The following EPSTI1 variants were observed in gnomAD, a reference collection of about 807,000 sequenced individuals.
The protein encoded by EPSTI1 is epithelial stromal interaction 1.
Under a neutral mutation model 49.9 loss-of-function variants are expected in EPSTI1, and 66 were observed. That is an observed-to-expected ratio of 1.32 (90% CI 1.08 to 1.62). The LOEUF (loss-of-function observed/expected upper bound fraction) is 1.62, where lower values mean the gene tolerates loss of function less well. Among genes scored for constraint, EPSTI1 ranks in the 40% most tolerant of loss-of-function variants. EPSTI1 has a pLI of 0.00. For missense variants in EPSTI1, 394 were observed against 365.5 expected (o/e 1.08, Z -0.64); for synonymous variants, 137 against 130.7 (o/e 1.05, Z -0.33).
intron 1 of EPSTI1, among the ~76,000 whole-genome samples, chr13:42,976,348 A>G (rs2039881899): frequency 6.6e-6 from 1 of 152,188 alleles, no homozygotes; most frequent in Non-Finnish European, 1.5e-5. Context: ...AACAAACCTT[A>G]TCTCTCAAGG....
intron 7 of EPSTI1, among the ~76,000 whole-genome samples, chr13:42,921,975 T>C (rs184638123): frequency 1.6e-3 from 241 of 152,190 alleles, no homozygotes; most frequent in African/African-American, 5.6e-3. Flanking sequence ...CAGAAGACAG[T>C]CAAATGTTCA....
At chr13:42,968,272 C>T (rs2039671516) in intron 3 of EPSTI1, among the ~76,000 whole-genome samples, 1 of 151,982 alleles carries the variant, frequency 6.6e-6, no homozygotes, top group South Asian at 2.1e-4. Context: ...ATTACTATTA[C>T]TTCCTCCCAT....
chr13:42,966,740 G>GTGGGGGTGTC (rs1566167001), intron 3 of EPSTI1, among the ~76,000 whole-genome samples: 1 of 90,144 alleles, frequency 1.1e-5, no homozygotes. Flanking sequence ...GGGAGGTGAG[G>GTGGGGGTGTC]GGCGCCTCCG....
At chr13:42,892,802 A>G (rs1566092991) in intron 10 of EPSTI1, among the ~76,000 whole-genome samples, 1 of 152,226 alleles carries the variant, frequency 6.6e-6, no homozygotes, top group Admixed American at 6.5e-5. Context: ...AAGTGGTCCA[A>G]GGTAGATCCC....
chr13:42,962,495 C>A (rs1358177881), intron 5 of EPSTI1, among the ~76,000 whole-genome samples: 3 of 152,014 alleles, frequency 2.0e-5, no homozygotes, highest in Non-Finnish European at 2.9e-5. Flanking sequence ...TTAGGCCAGG[C>A]ATGGTGGCTC....
At chr13:42,977,509 C>T (rs9567084) in intron 1 of EPSTI1, among the ~76,000 whole-genome samples, 42,980 of 152,108 alleles carry the variant, frequency 0.28, 6,541 homozygotes, top group Middle Eastern at 0.46. Flanking sequence ...ATAGAAAAAG[C>T]TGTTTTGTTA....
Position 42,888,381 on chromosome 13 carries a change from C to A in EPSTI1, c.*113G>T. 6.2e-7 allele frequency: 1 copy of A among 1,614,134 alleles called. No individual in the cohort carries two copies. The highest frequency in any genetic ancestry group is 8.5e-7 in the Non-Finnish European group (1 of 1,180,020). On this transcript the variant is annotated 3_prime_UTR_variant, in exon 11 of 11. Coordinates refer to ENST00000313624, the MANE Select transcript of EPSTI1 (RefSeq NM_033255.5). ...CTGACTGCACGGTCAAGTGTGTGGG[C>A]AGTTGAAATTAAGGTAAAAACAGTG...
At chr13:42,951,261 T>G (rs745947592) in intron 6 of EPSTI1, among the ~76,000 whole-genome samples, 4 of 152,232 alleles carry the variant, frequency 2.6e-5, no homozygotes, top group Non-Finnish European at 5.9e-5. Context: ...CGATCCATCT[T>G]TTATAAGTCT....
chr13:42,963,320 CA>C lies in EPSTI1; in HGVS notation c.423del (p.Val142Ter). On this transcript the variant is annotated frameshift_variant, in exon 5 of 11. Coordinates refer to ENST00000313624, the MANE Select transcript of EPSTI1 (RefSeq NM_033255.5). LOFTEE classifies it high-confidence loss of function. ...KYKQKLKREE[S>X]VRIKKEAEEA... Reference sequence around the variant, plus strand: ...TCTTCAGCTTCCTTCTTGATTCTTACAGATTCTTCTCTTTTTAGCTAAATTG... The same window carrying C: ...TCTTCAGCTTCCTTCTTGATTCTTACGATTCTTCTCTTTTTAGCTAAATTG... 6.2e-7 allele frequency: 1 copy of C among 1,612,462 alleles called. No individual in the cohort carries two copies. Among genetic ancestry groups the C allele is most frequent in the Non-Finnish European group, 8.5e-7 (1 of 1,179,542 alleles).
chr13:42,965,403 T>A (rs917769279), intron 3 of EPSTI1, among the ~76,000 whole-genome samples: 1 of 152,194 alleles, frequency 6.6e-6, no homozygotes, highest in Admixed American at 6.5e-5. Flanking sequence ...TCCTGCTCAT[T>A]TTCTGCTAAG....
chr13:42,890,455 G>A (rs1293289237), intron 10 of EPSTI1, among the ~76,000 whole-genome samples: 8 of 151,846 alleles, frequency 5.3e-5, no homozygotes, highest in Non-Finnish European at 7.4e-5. Flanking sequence ...CCGCCACCAC[G>A]CCCGGCTAAT....
chr13:42,909,864 T>C (rs1273540826), intron 8 of EPSTI1, among the ~76,000 whole-genome samples: 1 of 152,126 alleles, frequency 6.6e-6, no homozygotes, highest in African/African-American at 2.4e-5. Flanking sequence ...AAGAGATCTA[T>C]TGTACAGCAA....
chr13:42,948,072 G>A (rs1207277129), intron 6 of EPSTI1, among the ~76,000 whole-genome samples: 2 of 152,256 alleles, frequency 1.3e-5, no homozygotes, highest in East Asian at 3.9e-4. Context: ...TCTCCACGGT[G>A]TTCCCGCAGC....
At chr13:42,942,775 G>A (rs552501137) in intron 6 of EPSTI1, among the ~76,000 whole-genome samples, 33 of 137,886 alleles carry the variant, frequency 2.4e-4, no homozygotes, top group East Asian at 2.3e-4. Context: ...TGCAAGCTCC[G>A]CTTCCCGGGT....
At chr13:42,911,055 C>T in intron 8 of EPSTI1, among the ~76,000 whole-genome samples, 1 of 152,176 alleles carries the variant, frequency 6.6e-6, no homozygotes. Context: ...TATCCTATTG[C>T]AGTGATAAGA....
intron 5 of EPSTI1, among the ~76,000 whole-genome samples, chr13:42,957,497 G>T (rs918395987): frequency 6.6e-6 from 1 of 152,208 alleles, no homozygotes; most frequent in Non-Finnish European, 1.5e-5. Context: ...CAAGTACAAG[G>T]AAAGGATCCC....
intron 1 of EPSTI1, among the ~76,000 whole-genome samples, chr13:42,977,913 G>A (rs1016033530): frequency 4.6e-5 from 7 of 152,180 alleles, no homozygotes; most frequent in African/African-American, 1.7e-4. Context: ...CACTTTGGGA[G>A]GCCGTGGCAG....
chr13:42,950,494 T>C (rs2039061669), intron 6 of EPSTI1, among the ~76,000 whole-genome samples: 2 of 152,192 alleles, frequency 1.3e-5, no homozygotes, highest in African/African-American at 2.4e-5. Context: ...AGCTAAATAA[T>C]TGACAACACT....
chr13:42,915,036 T>G (rs2037791753), intron 8 of EPSTI1, among the ~76,000 whole-genome samples: 1 of 152,232 alleles, frequency 6.6e-6, no homozygotes, highest in Non-Finnish European at 1.5e-5. Flanking sequence ...TCACCTAAAC[T>G]TAACCTAGAT....
Sources: allele counts gnomAD v4.1 joint callset (sites outside exome capture counted in the v4.1 genomes callset), GRCh38; gene constraint gnomAD v4.1.1; transcripts MANE v1.5; gene names NCBI Gene and HGNC (gene_info 2026-07-23, HGNC 2026-07-21).